Variants in C2CD3 observed in about 807,000 individuals in gnomAD.
The protein encoded by C2CD3 is C2 domain-containing protein 3.
A neutral mutation model predicts 234.0 loss-of-function variants in C2CD3; 148 were observed. The ratio of observed to expected loss-of-function variants is 0.63; its 90% CI spans 0.55 to 0.72. The LOEUF (loss-of-function observed/expected upper bound fraction) is 0.72, where lower values mean the gene tolerates loss of function less well. C2CD3 is among the 30% of genes least tolerant of loss of function. C2CD3 has a pLI of 0.00. For missense variants in C2CD3, 2,577 were observed against 2,811.5 expected, an observed-to-expected ratio of 0.92 and a Z score of 1.89; for synonymous variants, 1,000 against 1,035.4, an observed-to-expected ratio of 0.97 and a Z score of 0.66.
At chr11:74,057,632 C>A in intron 24 of C2CD3, 88 bp from the exon 25 acceptor site, 1 of 1,349,748 alleles carries the variant, frequency 7.4e-7, no homozygotes, top group East Asian at 2.3e-5. Flanking sequence ...ATTCCTGGCC[C>A]TCTTCTTCCT....
intron 7 of C2CD3, among the ~76,000 whole-genome samples, chr11:74,127,471 G>A (rs1028155853): frequency 6.6e-6 from 1 of 151,246 alleles, no homozygotes; most frequent in Non-Finnish European, 1.5e-5. Flanking sequence ...TATTGGGGTT[G>A]CTTAATTTTT....
intron 5 of C2CD3, among the ~76,000 whole-genome samples, chr11:74,134,237 A>G (rs1183142254): frequency 6.6e-6 from 1 of 152,244 alleles, no homozygotes; most frequent in Non-Finnish European, 1.5e-5. Context: ...TAACTTGACC[A>G]AGTTGTACAC....
intron 11 of C2CD3, among the ~76,000 whole-genome samples, chr11:74,111,957 C>T (rs1202293935): frequency 7.2e-6 from 1 of 138,876 alleles, no homozygotes; most frequent in African/African-American, 3.1e-5. Flanking sequence ...CACACACACA[C>T]ACACACACAC....
At chr11:74,053,924 GT>G (rs1953822986) in intron 26 of C2CD3, among the ~76,000 whole-genome samples, 1 of 151,566 alleles carries the variant, frequency 6.6e-6, no homozygotes, top group African/African-American at 2.4e-5. Context: ...GAGCCCAGGA[GT>G]TAGAGATAGA....
At chr11:74,070,224 T>C (rs1304169923) in intron 24 of C2CD3, among the ~76,000 whole-genome samples, 8 of 152,234 alleles carry the variant, frequency 5.3e-5, no homozygotes, top group Non-Finnish European at 1.2e-4. Flanking sequence ...TCAGAGCTTT[T>C]TCTAACATAA....
intron 11 of C2CD3, among the ~76,000 whole-genome samples, chr11:74,111,089 C>A (rs1790404): frequency 6.6e-6 from 1 of 152,056 alleles, no homozygotes; most frequent in South Asian, 2.1e-4. Context: ...GGAATCGAAA[C>A]GGTGCTAGGT....
intron 24 of C2CD3, among the ~76,000 whole-genome samples, chr11:74,067,691 T>C (rs1954606692): frequency 6.6e-6 from 1 of 152,202 alleles, no homozygotes; most frequent in South Asian, 2.1e-4. Flanking sequence ...CTTAAAAGTT[T>C]TATTTTAGTG....
At chr11:74,115,603 T>C (rs1188955314) in intron 9 of C2CD3, among the ~76,000 whole-genome samples, 1 of 152,034 alleles carries the variant, frequency 6.6e-6, no homozygotes, top group East Asian at 1.9e-4. Context: ...TCATCATTCT[T>C]CACAGAACTA....
rs767978670 is a variant in C2CD3 at position 74,074,247 on chromosome 11, G to A, written c.4951+6C>T. ...ACATGCTCCTGGGTAGGTGAGGAGA[G>A]CATACCTTTCAAGCTCAAGTGCATT... On this transcript the variant is annotated splice_donor_region_variant and intron_variant, in intron 24 of 32. Transcript: ENST00000334126. 40 of 1,603,554 alleles carry A rather than the reference G, an allele frequency of 2.5e-5. No individual in the cohort carries two copies. The Admixed American group carries it at 6.4e-4, about 25-fold the overall frequency.
chr11:74,065,217 G>GA (rs1283372606), intron 24 of C2CD3, among the ~76,000 whole-genome samples: 3 of 152,062 alleles, frequency 2.0e-5, no homozygotes, highest in East Asian at 1.9e-4. Context: ...AAAGTTACAA[G>GA]AAAAAATCAA....
intron 16 of C2CD3, 37 bp from the exon 17 acceptor site, chr11:74,095,445 GA>G: frequency 1.3e-6 from 2 of 1,528,532 alleles, no homozygotes. Flanking sequence ...GAGCTTTAAA[GA>G]GTAACTTGCT....
At chr11:74,075,945 T>A (rs1356261302) in intron 23 of C2CD3, among the ~76,000 whole-genome samples, 1 of 152,154 alleles carries the variant, frequency 6.6e-6, no homozygotes, top group African/African-American at 2.4e-5. Context: ...TATGGAGAAG[T>A]ATGAGAGAAA....
At chr11:74,139,897 CTTAATATTAA>C in intron 3 of C2CD3, 69 bp from the exon 4 acceptor site, 1 of 881,062 alleles carries the variant, frequency 1.1e-6, no homozygotes, top group South Asian at 1.4e-5. Flanking sequence ...GACTCCCCTG[CTTAATATTAA>C]TTAATGTCCC....
chr11:74,081,422 G>T (rs1283250477), intron 22 of C2CD3, among the ~76,000 whole-genome samples: 1 of 152,136 alleles, frequency 6.6e-6, no homozygotes, highest in African/African-American at 2.4e-5. Flanking sequence ...TTTCATTTCA[G>T]GTCCTGCCAC....
intron 7 of C2CD3, chr11:74,129,164 CG>C (rs1459332082): frequency 5.8e-6 from 1 of 171,060 alleles, no homozygotes; most frequent in Non-Finnish European, 1.2e-5. Flanking sequence ...GGCGGCTGGC[CG>C]GGCGGGGAGC....
Position 74,139,671 on chromosome 11 carries a change from T to C in C2CD3, c.641A>G (p.Asp214Gly). 1 of 1,614,038 alleles carries C rather than the reference T, an allele frequency of 6.2e-7. No individual in the cohort carries two copies. Among genetic ancestry groups the C allele is most frequent in the South Asian group, 1.1e-5 (1 of 91,082 alleles). ...TQFQVPSRPRDIHTIKIDGKE... is the reference protein window; with the variant it reads ...TQFQVPSRPRGIHTIKIDGKE... The stretch of plus-strand genomic sequence containing the variant: ...TCCATCAATTTTGATGGTATGTATG[T>C]CGCGAGGCCTTGATGGAACCTGAAA... Residue 214 changes from aspartate (D) to glycine (G), a missense_variant, in exon 4 of 33, where the codon GAC becomes GGC. Coordinates refer to ENST00000334126, the MANE Select transcript of C2CD3 (RefSeq NM_001286577.2).
chr11:74,124,236 T>C (rs772063323), intron 7 of C2CD3, among the ~76,000 whole-genome samples: 5 of 152,202 alleles, frequency 3.3e-5, no homozygotes, highest in South Asian at 4.1e-4. Context: ...TTTCTTTCCA[T>C]GTTGCTTCCT....
intron 13 of C2CD3, among the ~76,000 whole-genome samples, chr11:74,104,617 G>A (rs1296389967): frequency 6.6e-6 from 1 of 152,048 alleles, no homozygotes; most frequent in African/African-American, 2.4e-5. Context: ...GGGAGTCTCA[G>A]TAAAGGGTAT....
chr11:74,123,229 G>A, intron 7 of C2CD3, 94 bp from the exon 8 acceptor site: 6 of 849,890 alleles, frequency 7.1e-6, no homozygotes, highest in Non-Finnish European at 7.4e-6. Flanking sequence ...TTCTAAATGT[G>A]GAAGGAGATA....
Sources: allele counts gnomAD v4.1 joint callset (sites outside exome capture counted in the v4.1 genomes callset), GRCh38; gene constraint gnomAD v4.1.1; transcripts MANE v1.5; gene names NCBI Gene and HGNC (gene_info 2026-07-23, HGNC 2026-07-21).